GADL1: variants seen among roughly 807,000 people sequenced by gnomAD.
GADL1 encodes acidic amino acid decarboxylase GADL1.
Under a neutral mutation model 69.5 loss-of-function variants are expected in GADL1, and 71 were observed. The ratio of observed to expected loss-of-function variants is 1.02; its 90% CI spans 0.84 to 1.25. The LOEUF is 1.25. Among genes scored for constraint, GADL1 ranks in the 50% most tolerant of loss-of-function variants. The pLI is 0.00. For synonymous variants in GADL1, 254 were observed against 214.4 expected (o/e 1.18, Z -1.62); for missense variants, 737 against 631.8 (o/e 1.17, Z -1.79).
chr3:30,880,968 T>G (rs988581596), intron 1 of GADL1, among the ~76,000 whole-genome samples: 2 of 151,956 alleles, frequency 1.3e-5, no homozygotes, highest in Non-Finnish European at 2.9e-5. Flanking sequence ...TTACTGGTGT[T>G]GCTTATGAGA....
intron 4 of GADL1, among the ~76,000 whole-genome samples, chr3:30,853,068 G>A (rs1278365734): frequency 2.0e-5 from 3 of 152,028 alleles, no homozygotes; most frequent in African/African-American, 7.2e-5. Flanking sequence ...TCTCCTCGTG[G>A]CTGCCACAGC....
Position 30,887,887 on chromosome 3 carries a change from G to A in GADL1, c.37+6691C>T, listed in dbSNP as rs74375305. Among the ~76,000 whole-genome samples the A allele has an allele frequency of 4.2e-3, 633 of 152,268 alleles. 12 individuals carry two copies. The East Asian group carries it at 0.044, about 10-fold the overall frequency. ...AAAACTATTTTAAAAATGCAAGAAA[G>A]TAATGACAGTCAATGCTTGGTGTTC... is the stretch of plus-strand genomic sequence containing the variant. On this transcript the variant is annotated intron_variant, in intron 1 of 14. Transcript: ENST00000282538.
At chr3:30,761,351 CTAAGT>C (rs1414097944) in intron 14 of GADL1, among the ~76,000 whole-genome samples, 6 of 152,132 alleles carry the variant, frequency 3.9e-5, no homozygotes, top group African/African-American at 1.4e-4. Flanking sequence ...ACACAAACAA[CTAAGT>C]TAACCAAATA....
intron 14 of GADL1, among the ~76,000 whole-genome samples, chr3:30,763,076 G>A (rs1462436852): frequency 6.6e-6 from 1 of 152,114 alleles, no homozygotes; most frequent in African/African-American, 2.4e-5. Context: ...ATCATTTTAG[G>A]TTGACAATTA....
intron 6 of GADL1, 81 bp downstream of exon 6, chr3:30,849,915 C>A: frequency 1.2e-6 from 1 of 808,358 alleles, no homozygotes; most frequent in South Asian, 1.5e-5. Flanking sequence ...AGGACAAAAT[C>A]ACATCAGGAA....
chr3:30,787,246 G>C (rs1211228866), intron 12 of GADL1, among the ~76,000 whole-genome samples: 2 of 152,144 alleles, frequency 1.3e-5, no homozygotes, highest in African/African-American at 2.4e-5. Context: ...TGTAGCCATT[G>C]ATATAATATC....
chr3:30,869,633 TA>T lies in GADL1; in HGVS notation c.38-7869del, dbSNP rs1401154930. ...AGAGATATGGGTATCTATTTTATTTTATTTTTTTTTGAAAAGAGCAAGACGA... is the reference window on the plus strand; with the variant it reads ...AGAGATATGGGTATCTATTTTATTTTTTTTTTTTTGAAAAGAGCAAGACGA... On this transcript the variant is annotated intron_variant, in intron 1 of 14. Transcript: ENST00000282538. 4.1e-5 allele frequency among the ~76,000 whole-genome samples: 6 copies of T among 147,192 alleles called. No individual in the cohort carries two copies. In the East Asian group the frequency reaches 8.1e-4, roughly 20 times the overall value.
At chr3:30,801,474 T>C (rs1273114485) in intron 11 of GADL1, among the ~76,000 whole-genome samples, 3 of 152,090 alleles carry the variant, frequency 2.0e-5, no homozygotes, top group Non-Finnish European at 4.4e-5. Flanking sequence ...TGTTATACAA[T>C]TTCATAAGCA....
At chr3:30,774,117 C>T (rs534921569) in intron 14 of GADL1, among the ~76,000 whole-genome samples, 1 of 152,112 alleles carries the variant, frequency 6.6e-6, no homozygotes, top group Non-Finnish European at 1.5e-5. Flanking sequence ...AATGGTACAA[C>T]ATTCCTAGGG....
At chr3:30,869,831 A>T (rs112086072) in intron 1 of GADL1, among the ~76,000 whole-genome samples, 1,683 of 151,904 alleles carry the variant, frequency 0.011, 53 homozygotes, top group African/African-American at 0.039. Context: ...CAAGACCAAA[A>T]AGACACACAG....
In GADL1 at chr3:30,728,235, G is replaced by A; in HGVS notation, c.*7C>T. Reference sequence around the variant, plus strand: ...GGATCTATGCCTCTGGGGGACCAAAGCCACAGCTACATGTCTTTACCCAGT... The same window carrying A: ...GGATCTATGCCTCTGGGGGACCAAAACCACAGCTACATGTCTTTACCCAGT... On this transcript the variant is annotated 3_prime_UTR_variant, in exon 15 of 15. Transcript: ENST00000282538. 3 of 1,612,472 alleles carry A rather than the reference G, an allele frequency of 1.9e-6. No homozygotes were observed. The highest frequency in any genetic ancestry group is 1.7e-6 in the Non-Finnish European group (2 of 1,178,738).
chr3:30,795,864 A>C (rs1472046172), intron 12 of GADL1, among the ~76,000 whole-genome samples: 1 of 152,178 alleles, frequency 6.6e-6, no homozygotes, highest in Non-Finnish European at 1.5e-5. Context: ...TAAGGCAAAA[A>C]AACTATTATG....
At chr3:30,839,521 A>T (rs1697932216) in intron 8 of GADL1, among the ~76,000 whole-genome samples, 1 of 150,960 alleles carries the variant, frequency 6.6e-6, no homozygotes. Flanking sequence ...TCTCAAAAAA[A>T]AAAAAAGGTT....
At chr3:30,800,819 A>G in intron 12 of GADL1, 70 bp downstream of exon 12, 6 of 877,550 alleles carry the variant, frequency 6.8e-6, no homozygotes, top group Non-Finnish European at 9.9e-6. Flanking sequence ...ACACACACAC[A>G]CACACACACA....
chr3:30,814,874 G>A (rs1272833425), intron 11 of GADL1, among the ~76,000 whole-genome samples: 3 of 151,798 alleles, frequency 2.0e-5, no homozygotes, highest in African/African-American at 4.8e-5. Flanking sequence ...TGAGGCAGGA[G>A]AATCACTTGA....
chr3:30,800,667 TGC>T, intron 12 of GADL1: 1 of 557,736 alleles, frequency 1.8e-6, no homozygotes, highest in Non-Finnish European at 3.2e-6. Flanking sequence ...GTGATAGGAC[TGC>T]TCTGTTCATA....
intron 14 of GADL1, among the ~76,000 whole-genome samples, chr3:30,772,381 A>G (rs1827496): frequency 0.25 from 37,341 of 151,954 alleles, 5,462 homozygotes; most frequent in Non-Finnish European, 0.32. Flanking sequence ...ACAAAATAAG[A>G]AATATTCTAC....
intron 12 of GADL1, among the ~76,000 whole-genome samples, chr3:30,789,124 AG>A (rs760017009): frequency 6.6e-6 from 1 of 152,242 alleles, no homozygotes; most frequent in Non-Finnish European, 1.5e-5. Flanking sequence ...TCACGGCTAT[AG>A]CCTTACAAAA....
rs143614579 is a variant in GADL1 at position 30,871,735 on chromosome 3, C to A, written c.38-9970G>T. On this transcript the variant is annotated intron_variant, in intron 1 of 14. Coordinates refer to ENST00000282538, the MANE Select transcript of GADL1 (RefSeq NM_207359.3). ...GATAATTCTGATTCTACTGAAACAC[C>A]AAGGCATCCCCACAAACCAAAGAGC... Among the ~76,000 whole-genome samples, 613 of 151,726 alleles carry A rather than the reference C, an allele frequency of 4.0e-3. 4 individuals carry two copies. Among genetic ancestry groups the A allele is most frequent in the Non-Finnish European group, 3.6e-3 (243 of 67,900 alleles).
Sources: gnomAD v4.1 joint callset for allele counts (sites outside exome capture counted in the v4.1 genomes callset) on GRCh38, gnomAD v4.1.1 for gene constraint, MANE v1.5 for transcripts, NCBI Gene and HGNC (gene_info 2026-07-23, HGNC 2026-07-21) for gene names.